Variants in DNM3 observed in about 807,000 individuals in gnomAD.
DNM3 encodes the protein dynamin-3.
Under a neutral mutation model 101.6 loss-of-function variants are expected in DNM3, and 47 were observed. That is an observed-to-expected ratio of 0.46 (90% CI 0.37 to 0.59). DNM3 has a LOEUF of 0.59. Ranked by LOEUF, DNM3 falls within the 20% of genes least tolerant of loss-of-function variation. DNM3 has a pLI of 0.00. For synonymous variants in DNM3, 385 were observed against 387.9 expected, an observed-to-expected ratio of 0.99 and a Z score of 0.09; for missense variants, 849 against 1,085.7, an observed-to-expected ratio of 0.78 and a Z score of 3.06.
At chr1:172,322,955 A>G (rs1289584273) in intron 16 of DNM3, among the ~76,000 whole-genome samples, 1 of 152,136 alleles carries the variant, frequency 6.6e-6, no homozygotes, top group African/African-American at 2.4e-5. Flanking sequence ...GGCACACAAA[A>G]TGCTCTGCCT....
At chr1:172,281,361 T>G (rs1160180218) in intron 15 of DNM3, among the ~76,000 whole-genome samples, 1 of 152,106 alleles carries the variant, frequency 6.6e-6, no homozygotes, top group Non-Finnish European at 1.5e-5. Context: ...TTCTCCATGG[T>G]TCACAAATGA....
chr1:172,386,863 T>C (rs1286029807), intron 18 of DNM3: 2 of 403,782 alleles, frequency 5.0e-6, no homozygotes, highest in Admixed American at 3.6e-5. Flanking sequence ...GGCCCTGTTC[T>C]GGTGATGGCT....
intron 16 of DNM3, 78 bp from the exon 17 acceptor site, chr1:172,323,251 A>G: frequency 7.0e-7 from 1 of 1,425,966 alleles, no homozygotes; most frequent in Non-Finnish European, 9.5e-7. Flanking sequence ...AGAAAGTAGA[A>G]GAAAAAACCC....
At chr1:172,285,978 T>G (rs779561817) in intron 15 of DNM3, among the ~76,000 whole-genome samples, 2 of 152,102 alleles carry the variant, frequency 1.3e-5, no homozygotes, top group Non-Finnish European at 2.9e-5. Context: ...CTTCTTGACC[T>G]ACGTTATGCC....
intron 14 of DNM3, chr1:172,144,460 T>C (rs1207566567): frequency 5.6e-6 from 2 of 358,842 alleles, no homozygotes; most frequent in South Asian, 2.5e-5. Flanking sequence ...ACACTGGATA[T>C]GAGATTCAAA....
chr1:172,170,703 G>A (rs1485941489), intron 14 of DNM3, among the ~76,000 whole-genome samples: 10 of 151,736 alleles, frequency 6.6e-5, no homozygotes, highest in Non-Finnish European at 8.8e-5. Flanking sequence ...CTGACTGAAG[G>A]AGCCAGGGAG....
At chr1:172,164,229 T>TTC (rs1193567064) in intron 14 of DNM3, among the ~76,000 whole-genome samples, 1 of 106,244 alleles carries the variant, frequency 9.4e-6, no homozygotes, top group African/African-American at 4.7e-5. Flanking sequence ...TTTCTTTTCT[T>TTC]TTCTTTTTTT....
intron 17 of DNM3, among the ~76,000 whole-genome samples, chr1:172,337,864 T>TA (rs1363002664): frequency 2.7e-4 from 40 of 146,272 alleles, no homozygotes; most frequent in African/African-American, 9.8e-4. Context: ...TATTTTATTT[T>TA]ATTTTTATTT....
chr1:172,280,695 G>C (rs2063457367), intron 15 of DNM3, among the ~76,000 whole-genome samples: 1 of 152,104 alleles, frequency 6.6e-6, no homozygotes, highest in Non-Finnish European at 1.5e-5. Context: ...ATCATCCAAA[G>C]AAATTCCAGG....
chr1:172,123,860 C>A (rs932477935), intron 13 of DNM3, among the ~76,000 whole-genome samples: 3 of 152,166 alleles, frequency 2.0e-5, no homozygotes, highest in Non-Finnish European at 4.4e-5. Flanking sequence ...GGCTATCCCT[C>A]TTTGAGGTAA....
Position 171,912,123 on chromosome 1 carries a change from C to G in DNM3, c.162-9625C>G, listed in dbSNP as rs1476402970. 2.0e-5 allele frequency among the ~76,000 whole-genome samples: 3 copies of G among 152,084 alleles called. No homozygotes were observed. In the South Asian group the frequency reaches 6.2e-4, roughly 32 times the overall value. Reference sequence around the variant, plus strand: ...TTAGAAACTCTGCAGGAAGGGGTGGCTAACAGAACTGAATGTTTAGCATCC... The same window carrying G: ...TTAGAAACTCTGCAGGAAGGGGTGGGTAACAGAACTGAATGTTTAGCATCC... On this transcript the variant is annotated intron_variant, in intron 1 of 20. Coordinates refer to ENST00000627582, the MANE Select transcript of DNM3 (RefSeq NM_015569.5).
chr1:172,363,540 T>C lies in DNM3; in HGVS notation c.1894-15478T>C, dbSNP rs867245241. Among the ~76,000 whole-genome samples the C allele has an allele frequency of 3.3e-5, 5 of 152,066 alleles. No homozygotes were observed. The South Asian group carries it at 6.2e-4, about 19-fold the overall frequency. On this transcript the variant is annotated intron_variant, in intron 17 of 20. Coordinates refer to ENST00000627582, the MANE Select transcript of DNM3 (RefSeq NM_015569.5). ...TCTACTGGTTACCTCTCCATTTTTA[T>C]AGAAACCCACTTGATTCAGACTTCA...
chr1:172,367,460 G>T (rs977388340), intron 17 of DNM3, among the ~76,000 whole-genome samples: 5 of 151,772 alleles, frequency 3.3e-5, no homozygotes, highest in Admixed American at 2.0e-4. Context: ...TTAAGGGAAA[G>T]GAATTTAATC....
At position 172,412,337 on chromosome 1, in the gene DNM3, T is replaced by A. The variant is rs2071256541; in HGVS notation, c.*4496T>A. On this transcript the variant is annotated 3_prime_UTR_variant, in exon 21 of 21. Transcript: ENST00000627582. ...TCTGCTACCAGTTTGTTAAAAATTA[T>A]TCCCCCCAACCAGTAATTCCACCAG... 1.0e-6 allele frequency: 1 copy of A among 985,530 alleles called. No individual in the cohort carries two copies. Among genetic ancestry groups the A allele is most frequent in the African/African-American group, 1.7e-5 (1 of 57,248 alleles). 61.0% of individuals were successfully genotyped at this position (985,530 alleles called of 1,614,324 possible).
chr1:172,258,148 G>A (rs1296358515), intron 15 of DNM3, among the ~76,000 whole-genome samples: 1 of 152,006 alleles, frequency 6.6e-6, no homozygotes, highest in Non-Finnish European at 1.5e-5. Context: ...GTATTCCACT[G>A]TGTAAATATA....
In DNM3 at chr1:172,038,347, T is replaced by C. The variant is rs1487223263; in HGVS notation, c.878T>C (p.Leu293Pro). ...QQLTNHIRDT[L>P]PNFRNKLQGQ... The stretch of plus-strand genomic sequence containing the variant: ...CTTACCAACCACATTCGGGATACCC[T>C]ACCAAACTTCAGGAACAAACTACAG... The change falls in exon 7 of 21, where the codon CTA becomes CCA. Residue 293 changes from leucine (L) to proline (P), a missense_variant. Transcript: ENST00000627582. 4.3e-6 allele frequency: 7 copies of C among 1,613,298 alleles called. No individual in the cohort carries two copies. Among genetic ancestry groups the C allele is most frequent in the Non-Finnish European group, 5.9e-6 (7 of 1,179,572 alleles).
intron 4 of DNM3, among the ~76,000 whole-genome samples, chr1:172,005,517 C>G (rs191609393): frequency 5.3e-5 from 8 of 152,096 alleles, no homozygotes; most frequent in African/African-American, 4.8e-5. Context: ...GCTGCCGACA[C>G]TATCACTCGT....
intron 2 of DNM3, among the ~76,000 whole-genome samples, chr1:171,986,230 A>T (rs1211584674): frequency 6.6e-6 from 1 of 152,118 alleles, no homozygotes; most frequent in African/African-American, 2.4e-5. Context: ...TGGGTACCAC[A>T]GCTTAAAATC....
intron 2 of DNM3, among the ~76,000 whole-genome samples, chr1:171,950,029 A>G (rs2042413302): frequency 6.6e-6 from 1 of 152,206 alleles, no homozygotes; most frequent in African/African-American, 2.4e-5. Flanking sequence ...AAGCGAATGG[A>G]CAAACATATT....
Sources: gnomAD v4.1 joint callset for allele counts (sites outside exome capture counted in the v4.1 genomes callset) on GRCh38, gnomAD v4.1.1 for gene constraint, MANE v1.5 for transcripts, NCBI Gene and HGNC (gene_info 2026-07-23, HGNC 2026-07-21) for gene names.